SCARB1: variants seen among roughly 807,000 people sequenced by gnomAD.
The protein encoded by SCARB1 is scavenger receptor class B member 1.
SCARB1 carries 30 observed loss-of-function variants against 57.2 expected under a neutral mutation model. The ratio of observed to expected loss-of-function variants is 0.52; its 90% confidence interval spans 0.39 to 0.71. The LOEUF is 0.71. Ranked by LOEUF, SCARB1 falls within the 30% of genes least tolerant of loss-of-function variation. The pLI is 0.00. For missense variants in SCARB1, 543 were observed against 671.2 expected, an observed-to-expected ratio of 0.81 and a Z score of 2.11; for synonymous variants, 249 against 268.3, an observed-to-expected ratio of 0.93 and a Z score of 0.70.
chr12:124,779,747 G>C lies in SCARB1; in HGVS notation c.*1-1161C>G, dbSNP rs3741521. Among the ~76,000 whole-genome samples the C allele has an allele frequency of 1.7e-4, 26 of 151,812 alleles. No individual in the cohort carries two copies. In the East Asian group the frequency reaches 3.9e-3, roughly 23 times the overall value. The stretch of plus-strand genomic sequence containing the variant: ...TGAGCAACAGAGGCCTCCCTGCCCC[G>C]GTGGCTGGGGCTGGAAACCGCTGCC... On this transcript the variant is annotated intron_variant, in intron 12 of 12. Coordinates refer to ENST00000261693, the MANE Select transcript of SCARB1 (RefSeq NM_005505.5).
chr12:124,798,449 TG>T (rs1950022449), intron 8 of SCARB1, among the ~76,000 whole-genome samples: 1 of 151,830 alleles, frequency 6.6e-6, no homozygotes, highest in African/African-American at 2.4e-5. Flanking sequence ...TCCTGTTATT[TG>T]TGACAACATG....
intron 11 of SCARB1, chr12:124,784,319 T>A (rs1566130412): frequency 6.6e-6 from 1 of 152,266 alleles, no homozygotes; most frequent in Non-Finnish European, 1.5e-5. Flanking sequence ...TGGCTCCCCC[T>A]GGGGCAGTAA....
intron 1 of SCARB1, among the ~76,000 whole-genome samples, chr12:124,853,837 G>A (rs956584395): frequency 4.1e-4 from 63 of 152,194 alleles, no homozygotes; most frequent in African/African-American, 1.4e-3. Flanking sequence ...CTGGGGCGAC[G>A]GCCACGGCAG....
In SCARB1 at chr12:124,814,691, T is replaced by G; in HGVS notation, c.426+282A>C. Among the ~76,000 whole-genome samples, 1 of 152,048 alleles carries G rather than the reference T, an allele frequency of 6.6e-6. No homozygotes were observed. The highest frequency in any genetic ancestry group is 6.5e-5 in the Admixed American group (1 of 15,274). ...CAGAGGCGGGCCTGTGGCTCAGCCC[T>G]CAACAAGACAGCCCCTTTTGGAGAT... On this transcript the variant is annotated intron_variant, in intron 3 of 12. Transcript: ENST00000261693. The surrounding 1 kb of genome is among the most constrained non-coding windows in gnomAD (Gnocchi z 4.7).
intron 7 of SCARB1, among the ~76,000 whole-genome samples, chr12:124,804,068 C>A (rs1378931650): frequency 6.6e-6 from 1 of 152,208 alleles, no homozygotes; most frequent in African/African-American, 2.4e-5. Flanking sequence ...CACTTTAAGC[C>A]TTCCCTACTT....
chr12:124,821,233 ATC>A, intron 1 of SCARB1: 1 of 157,188 alleles, frequency 6.4e-6, no homozygotes, highest in Non-Finnish European at 9.0e-6. Flanking sequence ...ACGAGACTCC[ATC>A]TCACACACAC....
intron 1 of SCARB1, chr12:124,839,692 G>A (rs11057849): frequency 0.087 from 25,400 of 293,412 alleles, 8,348 homozygotes; most frequent in East Asian, 0.48. Context: ...TCACCCCAAC[G>A]GCACACATGG....
intron 1 of SCARB1, among the ~76,000 whole-genome samples, chr12:124,834,154 GC>G (rs1444680036): frequency 6.6e-6 from 1 of 152,248 alleles, no homozygotes; most frequent in African/African-American, 2.4e-5. Context: ...GCCAGCAGGG[GC>G]CTGAGGGGCC....
At chr12:124,801,370 G>T (rs868113336) in intron 7 of SCARB1, among the ~76,000 whole-genome samples, 1 of 152,154 alleles carries the variant, frequency 6.6e-6, no homozygotes, top group Non-Finnish European at 1.5e-5. Context: ...AGATACAAGT[G>T]ATGGCTGCAC....
At chr12:124,855,778 A>G (rs1346125602) in intron 1 of SCARB1, among the ~76,000 whole-genome samples, 1 of 152,168 alleles carries the variant, frequency 6.6e-6, no homozygotes, top group Non-Finnish European at 1.5e-5. Context: ...GGTGTGGCTT[A>G]TGGCCCCAGG....
intron 1 of SCARB1, among the ~76,000 whole-genome samples, chr12:124,848,378 G>A (rs765122875): frequency 2.0e-5 from 3 of 152,186 alleles, no homozygotes; most frequent in South Asian, 2.1e-4. Context: ...CACCACGCCC[G>A]GCCAATTCAA....
At chr12:124,836,999 G>A (rs765229084) in intron 1 of SCARB1, among the ~76,000 whole-genome samples, 36 of 152,142 alleles carry the variant, frequency 2.4e-4, no homozygotes, top group Non-Finnish European at 3.1e-4. Flanking sequence ...CAAGTAAGGA[G>A]CTCAGACCAG....
rs1872562377 is a variant in SCARB1, at chr12:124,777,170, T to G, written c.*1417A>C. 7.5e-6 allele frequency: 1 copy of G among 133,040 alleles called. No homozygotes were observed. Among genetic ancestry groups the G allele is most frequent in the Non-Finnish European group, 1.7e-5 (1 of 59,694 alleles). The allele number at this position is 133,040 out of a possible 1,614,324, so 8.2% of individuals were successfully genotyped here. On this transcript the variant is annotated 3_prime_UTR_variant, in exon 13 of 13. Coordinates refer to ENST00000261693, the MANE Select transcript of SCARB1 (RefSeq NM_005505.5). ...TCGGAGAAAATTCCATCCTTTGCAA[T>G]GATCTACACTTAAGATGAGAACTTT...
chr12:124,848,089 A>T (rs571593108), intron 1 of SCARB1, among the ~76,000 whole-genome samples: 8 of 152,144 alleles, frequency 5.3e-5, no homozygotes, highest in Non-Finnish European at 7.4e-5. Flanking sequence ...TCAAAAAAAA[A>T]TTTTCTTTTT....
intron 9 of SCARB1, among the ~76,000 whole-genome samples, chr12:124,791,055 C>G (rs544863268): frequency 2.5e-4 from 38 of 152,294 alleles, no homozygotes; most frequent in Non-Finnish European, 4.9e-4. Flanking sequence ...ACATGACCAG[C>G]CCCTAGTAAA....
At chr12:124,820,160 G>A (rs188843038) in intron 1 of SCARB1, among the ~76,000 whole-genome samples, 146 of 152,278 alleles carry the variant, frequency 9.6e-4, no homozygotes, top group African/African-American at 3.4e-3. Context: ...AAACGAAGGC[G>A]CATAAACTGA....
At position 124,811,737 on chromosome 12, in the gene SCARB1, G is replaced by C. The variant is rs568182205; in HGVS notation, c.726+133C>G. On this transcript the variant is annotated intron_variant, in intron 5 of 12. Transcript: ENST00000261693. ...AAATCCCTCCTCCAACTTCAAGAGT[G>C]TTCATCCTCCCAGCACCCTCTTCAC... 7.3e-4 allele frequency: 510 copies of C among 695,128 alleles called. 9 individuals carry two copies. In the South Asian group the frequency reaches 7.6e-3, roughly 10 times the overall value. The allele number at this position is 695,128 out of a possible 1,614,324, so 43.1% of individuals were successfully genotyped here.
chr12:124,821,220 A>G (rs1950942947), intron 1 of SCARB1, among the ~76,000 whole-genome samples: 1 of 147,776 alleles, frequency 6.8e-6, no homozygotes, highest in Non-Finnish European at 1.5e-5. Flanking sequence ...CCTGGGCAAC[A>G]GAACGAGACT....
chr12:124,826,800 A>G (rs550969417), intron 1 of SCARB1, among the ~76,000 whole-genome samples: 32 of 152,120 alleles, frequency 2.1e-4, no homozygotes, highest in African/African-American at 6.3e-4. Context: ...TTGAGTGAAG[A>G]AAAGGCTAAA....
Sources: gnomAD v4.1 joint callset for allele counts (sites outside exome capture counted in the v4.1 genomes callset) on GRCh38, gnomAD v4.1.1 for gene constraint, Gnocchi (gnomAD v3.1) non-coding constraint, MANE v1.5 for transcripts, NCBI Gene and HGNC (gene_info 2026-07-23, HGNC 2026-07-21) for gene names.